HCN1: variants seen among roughly 807,000 people sequenced by gnomAD.
The protein encoded by HCN1 is hyperpolarization activated cyclic nucleotide gated potassium channel 1, also known as potassium/sodium hyperpolarization-activated cyclic nucleotide-gated channel 1.
A neutral mutation model predicts 78.9 loss-of-function variants in HCN1; 13 were observed. The observed-to-expected ratio is 0.16, with a 90% CI of 0.11 to 0.26. HCN1 has a LOEUF of 0.26. Among genes scored for constraint, HCN1 ranks in the 10% least tolerant of loss-of-function variants. HCN1 has a pLI of 1.00. For missense variants in HCN1, 810 were observed against 1,154.3 expected (o/e 0.70, Z 4.32); for synonymous variants, 552 against 455.5 (o/e 1.21, Z -2.70).
At chr5:45,466,319 A>C (rs1741270493) in intron 2 of HCN1, among the ~76,000 whole-genome samples, 2 of 152,170 alleles carry the variant, frequency 1.3e-5, no homozygotes, top group South Asian at 4.1e-4. Context: ...TAACCAAAAA[A>C]CTATCAAAAA....
At chr5:45,572,544 A>G (rs942460128) in intron 2 of HCN1, among the ~76,000 whole-genome samples, 3 of 152,194 alleles carry the variant, frequency 2.0e-5, no homozygotes, top group Non-Finnish European at 4.4e-5. Context: ...GTATATGTGG[A>G]CATACAACTG....
At chr5:45,585,090 C>T (rs12515077) in intron 2 of HCN1, among the ~76,000 whole-genome samples, 8,452 of 152,172 alleles carry the variant, frequency 0.056, 304 homozygotes, top group East Asian at 0.13. Context: ...TGCTATGTTG[C>T]GGAAGTTCTC....
chr5:45,515,007 CTTAT>C (rs1474861851), intron 2 of HCN1, among the ~76,000 whole-genome samples: 1 of 151,808 alleles, frequency 6.6e-6, no homozygotes, highest in African/African-American at 2.4e-5. Context: ...AATATGCTTT[CTTAT>C]TTATTTCTTA....
At chr5:45,384,114 G>T (rs188268448) in intron 4 of HCN1, among the ~76,000 whole-genome samples, 4 of 152,250 alleles carry the variant, frequency 2.6e-5, no homozygotes, top group East Asian at 1.9e-4. Context: ...CAAAGAGTTT[G>T]CTGGGGGAAT....
At chr5:45,374,264 C>T (rs190688497) in intron 4 of HCN1, among the ~76,000 whole-genome samples, 25 of 96,098 alleles carry the variant, frequency 2.6e-4, no homozygotes, top group Middle Eastern at 5.7e-3. Flanking sequence ...ATATACATAA[C>T]ATATATATTA....
chr5:45,384,031 G>C (rs1747866137), intron 4 of HCN1, among the ~76,000 whole-genome samples: 1 of 152,048 alleles, frequency 6.6e-6, no homozygotes, highest in African/African-American at 2.4e-5. Context: ...AAAATGTTCT[G>C]TATCCTAGAA....
intron 3 of HCN1, among the ~76,000 whole-genome samples, chr5:45,427,856 A>G (rs529808894): frequency 1.3e-5 from 2 of 152,206 alleles, no homozygotes; most frequent in East Asian, 3.9e-4. Flanking sequence ...TGGCTCTGAA[A>G]ACAGATCCTG....
At chr5:45,546,860 GA>G (rs1743241200) in intron 2 of HCN1, among the ~76,000 whole-genome samples, 1 of 151,680 alleles carries the variant, frequency 6.6e-6, no homozygotes, top group African/African-American at 2.4e-5. Context: ...TTGTTTTCAC[GA>G]GTAGAATACT....
chr5:45,363,145 C>CATATATATATATATAT (rs34074894), intron 4 of HCN1, among the ~76,000 whole-genome samples: 107 of 131,256 alleles, frequency 8.2e-4, no homozygotes, highest in African/African-American at 2.9e-3. Flanking sequence ...TATATATATA[C>CATATATATATATATAT]ATATATATAT....
At chr5:45,581,568 T>C (rs976004195) in intron 2 of HCN1, among the ~76,000 whole-genome samples, 39 of 152,204 alleles carry the variant, frequency 2.6e-4, no homozygotes, top group African/African-American at 9.4e-4. Context: ...CTATTGCTTT[T>C]GGTGTTTTAA....
chr5:45,397,067 G>T (rs562256654), intron 3 of HCN1, among the ~76,000 whole-genome samples: 8 of 152,186 alleles, frequency 5.3e-5, no homozygotes, highest in Non-Finnish European at 1.2e-4. Context: ...TAATATATTT[G>T]CAAGCTATGA....
chr5:45,416,310 C>T (rs1226089497), intron 3 of HCN1, among the ~76,000 whole-genome samples: 1 of 151,868 alleles, frequency 6.6e-6, no homozygotes, highest in African/African-American at 2.4e-5. Flanking sequence ...ATGAAAATGT[C>T]CCTTCACAAT....
intron 2 of HCN1, among the ~76,000 whole-genome samples, chr5:45,523,503 C>T (rs1742658838): frequency 6.6e-6 from 1 of 152,270 alleles, no homozygotes; most frequent in East Asian, 1.9e-4. Flanking sequence ...TATTTCTCCA[C>T]ATACTCTCCA....
In HCN1 at chr5:45,531,701, T is replaced by G. The variant is rs539794506; in HGVS notation, c.850-69694A>C. 2.6e-5 allele frequency among the ~76,000 whole-genome samples: 4 copies of G among 152,314 alleles called. No homozygotes were observed. The South Asian group carries it at 8.3e-4, about 32-fold the overall frequency. ...CTAGAATAATTTTTGTCTTGTAGTT[T>G]ACTTTGTAGGCTCTGACACTTTTTT... On this transcript the variant is annotated intron_variant, in intron 2 of 7. Coordinates refer to ENST00000303230, the MANE Select transcript of HCN1 (RefSeq NM_021072.4).
chr5:45,319,236 A>G (rs532299532), intron 5 of HCN1, among the ~76,000 whole-genome samples: 7 of 151,980 alleles, frequency 4.6e-5, no homozygotes, highest in African/African-American at 1.4e-4. Context: ...TCTGGGTAAT[A>G]GAATAAGCAC....
chr5:45,291,710 T>C (rs550177733), intron 6 of HCN1, among the ~76,000 whole-genome samples: 2 of 152,000 alleles, frequency 1.3e-5, no homozygotes, highest in African/African-American at 4.8e-5. Flanking sequence ...TCTGATTTTT[T>C]GTAGAGACAG....
At chr5:45,496,433 A>G (rs1459897770) in intron 2 of HCN1, among the ~76,000 whole-genome samples, 3 of 152,078 alleles carry the variant, frequency 2.0e-5, no homozygotes. Flanking sequence ...AAATAGTTTC[A>G]GAAGGAATGG....
chr5:45,660,248 A>G (rs1745900059), intron 1 of HCN1, among the ~76,000 whole-genome samples: 1 of 111,690 alleles, frequency 9.0e-6, no homozygotes, highest in Admixed American at 8.7e-5. Flanking sequence ...TAGACAAGCA[A>G]ATGCTGAGAG....
chr5:45,295,313 A>G (rs1265377474), intron 6 of HCN1, among the ~76,000 whole-genome samples: 1 of 152,008 alleles, frequency 6.6e-6, no homozygotes, highest in Non-Finnish European at 1.5e-5. Flanking sequence ...ATTCTTCTTT[A>G]TAAAATATAA....
Sources: allele counts gnomAD v4.1 joint callset (sites outside exome capture counted in the v4.1 genomes callset), GRCh38; gene constraint gnomAD v4.1.1; transcripts MANE v1.5; gene names NCBI Gene and HGNC (gene_info 2026-07-23, HGNC 2026-07-21).